CD109: variants seen among roughly 807,000 people sequenced by gnomAD.
CD109 encodes CD109 antigen.
A neutral mutation model predicts 165.8 loss-of-function variants in CD109; 149 were observed. The observed-to-expected ratio is 0.90, with a 90% CI of 0.79 to 1.03. The LOEUF (loss-of-function observed/expected upper bound fraction) is 1.03. Among genes scored for constraint, CD109 ranks in the 50% least tolerant of loss-of-function variants. The pLI is 0.00. For synonymous variants in CD109, 585 were observed against 592.1 expected (o/e 0.99, Z 0.18); for missense variants, 1,712 against 1,677.8 (o/e 1.02, Z -0.36).
chr6:73,814,964 T>C lies in CD109; in HGVS notation c.3769-17T>C, dbSNP rs1421193252. The stretch of plus-strand genomic sequence containing the variant: ...TTTATGTCCAACTTGTTATTTATGC[T>C]AGTTTATTTTTTACAGCTCAATGTT... On this transcript the variant is annotated splice_polypyrimidine_tract_variant and intron_variant, in intron 29 of 32. Transcript: ENST00000287097. 9 of 1,466,558 alleles carry C rather than the reference T, an allele frequency of 6.1e-6. No individual in the cohort carries two copies. The highest frequency in any genetic ancestry group is 2.6e-5 in the East Asian group (1 of 37,878). 90.8% of individuals were successfully genotyped at this position (1,466,558 alleles called of 1,614,324 possible). A position where few individuals can be genotyped will look rare whatever the true frequency, so the allele number is the denominator to read the frequency against.
rs140193962 is a variant in CD109 at position 73,767,039 on chromosome 6, A to T, written c.1497+29A>T. On this transcript the variant is annotated intron_variant, in intron 13 of 32. Coordinates refer to ENST00000287097, the MANE Select transcript of CD109 (RefSeq NM_133493.5). The stretch of plus-strand genomic sequence containing the variant: ...ATCTCTTATAGAATCTAAATTTATG[A>T]TCTATTATAGAATCATCTTTTTATT... 3,360 of 1,569,460 alleles carry T rather than the reference A, an allele frequency of 2.1e-3. 71 individuals carry two copies. In the African/African-American group the frequency reaches 0.036, roughly 17 times the overall value.
At chr6:73,794,154 T>C (rs1218805699) in intron 23 of CD109, among the ~76,000 whole-genome samples, 1 of 152,224 alleles carries the variant, frequency 6.6e-6, no homozygotes, top group Middle Eastern at 3.2e-3. Flanking sequence ...TATGCATGTT[T>C]CATTTAATTC....
chr6:73,739,558 G>T (rs1157787338), intron 5 of CD109, among the ~76,000 whole-genome samples: 1 of 152,108 alleles, frequency 6.6e-6, no homozygotes, highest in Non-Finnish European at 1.5e-5. Flanking sequence ...TTATTTTCAA[G>T]AAAGTATTGG....
rs536670010 is a variant in CD109, at chr6:73,777,409, T to C, written c.1828-3015T>C. 2.2e-4 allele frequency among the ~76,000 whole-genome samples: 34 copies of C among 152,272 alleles called. No individual in the cohort carries two copies. In the East Asian group the frequency reaches 5.0e-3, roughly 22 times the overall value. ...TTACTGTGTTGATAGTTTCTTTCAC[T>C]GTGCAGATCTCTTTCATTTAATTTG... On this transcript the variant is annotated intron_variant, in intron 15 of 32. Coordinates refer to ENST00000287097, the MANE Select transcript of CD109 (RefSeq NM_133493.5).
chr6:73,822,538 A>G (rs1444227562), intron 32 of CD109, among the ~76,000 whole-genome samples: 1 of 152,144 alleles, frequency 6.6e-6, no homozygotes, highest in Non-Finnish European at 1.5e-5. Context: ...TTTCTAGTGG[A>G]GGGATGGAAT....
chr6:73,689,000 G>C, the CD109 span, among the ~76,000 whole-genome samples: 1 of 151,948 alleles, frequency 6.6e-6, no homozygotes, highest in Non-Finnish European at 1.5e-5. Flanking sequence ...GAACTCCTGA[G>C]CTCAAGCAGT....
At chr6:73,728,566 C>A (rs1772225959) in intron 3 of CD109, among the ~76,000 whole-genome samples, 1 of 152,172 alleles carries the variant, frequency 6.6e-6, no homozygotes, top group South Asian at 2.1e-4. Flanking sequence ...TCCATTAGTT[C>A]ATCTTATTTT....
At chr6:73,707,094 CT>C in intron 2 of CD109, among the ~76,000 whole-genome samples, 1 of 152,294 alleles carries the variant, frequency 6.6e-6, no homozygotes, top group Admixed American at 6.5e-5. Context: ...TTGATGTGTC[CT>C]CCCACGTTGA....
At position 73,820,572 on chromosome 6, in the gene CD109, G is replaced by C. The variant is rs1174220217; in HGVS notation, c.4162+9G>C. The C allele has an allele frequency of 6.9e-7, 1 of 1,458,746 alleles. No homozygotes were observed. Among genetic ancestry groups the C allele is most frequent in the East Asian group, 2.3e-5 (1 of 43,794 alleles). The allele number at this position is 1,458,746 out of a possible 1,614,324, so 90.4% of individuals were successfully genotyped here. ...GGATTACTATGAGCCAAGTAAGTAT[G>C]CTCTGGAGTTCTTAATACTTTAGAA... On this transcript the variant is annotated intron_variant, in intron 32 of 32. Coordinates refer to ENST00000287097, the MANE Select transcript of CD109 (RefSeq NM_133493.5).
rs150978225 is a variant in CD109 at position 73,804,431 on chromosome 6, C to T, written c.2960+1130C>T. Among the ~76,000 whole-genome samples the T allele has an allele frequency of 6.0e-4, 91 of 152,350 alleles. 1 individual carries two copies. The highest frequency in any genetic ancestry group is 2.0e-3 in the African/African-American group (82 of 41,586). On this transcript the variant is annotated intron_variant, in intron 24 of 32. Transcript: ENST00000287097. The stretch of plus-strand genomic sequence containing the variant: ...TAAGTATTTCAGGCATTTTGGGCCA[C>T]GTAGAGTCTCCGTTGCATGCTCTTC...
intron 2 of CD109, among the ~76,000 whole-genome samples, chr6:73,716,038 T>C (rs181879469): frequency 6.6e-6 from 1 of 152,362 alleles, no homozygotes; most frequent in Non-Finnish European, 1.5e-5. Context: ...AGTTTGTCTT[T>C]CTGTGTTTGG....
chr6:73,782,778 G>A, intron 18 of CD109, 23 bp downstream of exon 18: 2 of 1,608,882 alleles, frequency 1.2e-6, no homozygotes, highest in Non-Finnish European at 1.7e-6. Context: ...AAAGTTCTTT[G>A]CCCATACATA....
intron 5 of CD109, among the ~76,000 whole-genome samples, chr6:73,738,062 T>C (rs1582083078): frequency 6.6e-6 from 1 of 152,120 alleles, no homozygotes; most frequent in Non-Finnish European, 1.5e-5. Context: ...GTCATTGTCA[T>C]GGTGACATGA....
chr6:73,683,324 A>G, the CD109 span, among the ~76,000 whole-genome samples: 1 of 152,170 alleles, frequency 6.6e-6, no homozygotes, highest in African/African-American at 2.4e-5. Flanking sequence ...AGAAATCTCT[A>G]GGGCAGGGAC....
At chr6:73,732,133 T>C (rs2150181808) in intron 4 of CD109, among the ~76,000 whole-genome samples, 1 of 152,294 alleles carries the variant, frequency 6.6e-6, no homozygotes, top group South Asian at 2.1e-4. Context: ...TGCCTCTGAT[T>C]TTAAAACTGA....
intron 10 of CD109, among the ~76,000 whole-genome samples, chr6:73,764,280 G>A (rs538914748): frequency 1.3e-5 from 2 of 152,304 alleles, no homozygotes; most frequent in African/African-American, 2.4e-5. Flanking sequence ...ATTAATTTCT[G>A]TAGGGATTTA....
intron 17 of CD109, among the ~76,000 whole-genome samples, chr6:73,781,835 A>ACACACACACACACACACACCC (rs150665697): frequency 3.1e-4 from 45 of 144,422 alleles, no homozygotes; most frequent in African/African-American, 1.1e-3. Context: ...ACACACACAC[A>ACACACACACACACACACACCC]CCCCTCATCA....
At chr6:73,792,912 G>A in intron 23 of CD109, 110 bp downstream of exon 23, 1 of 764,050 alleles carries the variant, frequency 1.3e-6, no homozygotes, top group Non-Finnish European at 2.1e-6. Flanking sequence ...TTAGGTAAGT[G>A]ATGGGCTACA....
intron 19 of CD109, 85 bp from the exon 20 acceptor site, chr6:73,785,279 G>A: frequency 1.4e-6 from 1 of 734,762 alleles, no homozygotes. Flanking sequence ...AAGCTTCACA[G>A]GTTTTATAAA....
Sources: allele counts gnomAD v4.1 joint callset (sites outside exome capture counted in the v4.1 genomes callset), GRCh38; gene constraint gnomAD v4.1.1; transcripts MANE v1.5; gene names NCBI Gene and HGNC (gene_info 2026-07-23, HGNC 2026-07-21).